The following RIMBP2 variants were observed in gnomAD, a reference collection of about 807,000 sequenced individuals.
RIMBP2 encodes the protein RIMS binding protein 2.
A neutral mutation model predicts 118.6 loss-of-function variants in RIMBP2; 48 were observed. The observed-to-expected ratio is 0.40, with a 90% CI of 0.32 to 0.51. RIMBP2 has a LOEUF of 0.51. Ranked by LOEUF, RIMBP2 falls within the 20% of genes least tolerant of loss-of-function variation. RIMBP2 has a pLI of 0.41. For synonymous variants in RIMBP2, 762 were observed against 742.9 expected (o/e 1.03, Z -0.42); for missense variants, 1,551 against 1,768.3 (o/e 0.88, Z 2.20).
At chr12:130,565,649 C>T (rs984635622) in intron 2 of RIMBP2, among the ~76,000 whole-genome samples, 1 of 152,138 alleles carries the variant, frequency 6.6e-6, no homozygotes, top group Admixed American at 6.5e-5. Context: ...AGTATCCCAA[C>T]TACAAAGCCC....
At chr12:130,696,303 A>G (rs2065574386) in intron 1 of RIMBP2, among the ~76,000 whole-genome samples, 1 of 152,214 alleles carries the variant, frequency 6.6e-6, no homozygotes, top group African/African-American at 2.4e-5. Flanking sequence ...GAGGCCGCTG[A>G]TGGGAGTCTG....
intron 1 of RIMBP2, among the ~76,000 whole-genome samples, chr12:130,635,256 T>TCTGTCCCC (rs2062282770): frequency 6.6e-6 from 1 of 152,196 alleles, no homozygotes; most frequent in Non-Finnish European, 1.5e-5. Context: ...CGCCTGGACC[T>TCTGTCCCC]ACCTCTGTCC....
At chr12:130,527,174 A>G (rs1246346559) in intron 2 of RIMBP2, among the ~76,000 whole-genome samples, 3 of 152,206 alleles carry the variant, frequency 2.0e-5, no homozygotes, top group African/African-American at 7.2e-5. Flanking sequence ...TTTGGGGAAA[A>G]TTATTAAGCC....
chr12:130,519,536 G>T (rs1392323663), intron 2 of RIMBP2, among the ~76,000 whole-genome samples: 1 of 152,216 alleles, frequency 6.6e-6, no homozygotes, highest in Admixed American at 6.5e-5. Context: ...AAGTAAAGCA[G>T]ATCATAATGT....
chr12:130,654,823 A>G (rs7968755), intron 1 of RIMBP2, among the ~76,000 whole-genome samples: 75,315 of 152,112 alleles, frequency 0.5, 18,935 homozygotes, highest in African/African-American at 0.57. Flanking sequence ...GCTTCCAATC[A>G]TGGTGGAAGA....
intron 4 of RIMBP2, among the ~76,000 whole-genome samples, chr12:130,504,331 T>C (rs1008461226): frequency 6.6e-6 from 1 of 152,120 alleles, no homozygotes; most frequent in Non-Finnish European, 1.5e-5. Context: ...CTGCACCCCC[T>C]GACTCCTCCC....
In RIMBP2 at chr12:130,424,594, C is replaced by T. The variant is rs909885340; in HGVS notation, c.2677G>A (p.Ala893Thr). The change falls in exon 16 of 23, where the codon GCC (alanine) becomes ACC (threonine). Residue 893 changes from alanine to threonine, a missense_variant. By Grantham distance (58) the Ala-to-Thr change is moderately conservative (BLOSUM62 0). Around this residue, in one of 5 missense-constraint regions of RIMBP2, gnomAD observed 1,038 missense variants for 1,125.1 expected, o/e 0.92. Transcript: ENST00000690449. This position sits in a 1 kb window ranked among gnomAD's most constrained non-coding sequence, Gnocchi z 9.8. ...AGGAAGTCCTCCACGTGGGGGACGG[C>T]CCCCGAGCCCCTGTGCTTCACCGGG... ...WFPVKHRGSG[A>T]VPHVEDFLLE... 3 of 1,231,812 alleles carry T rather than the reference C, an allele frequency of 2.4e-6. No homozygotes were observed. Among genetic ancestry groups the T allele is most frequent in the Admixed American group, 4.2e-5 (1 of 23,706 alleles). 76.3% of individuals were successfully genotyped at this position (1,231,812 alleles called of 1,614,324 possible).
rs758762656 is a variant in RIMBP2, at chr12:130,422,416, G to A, written c.3238+37C>T. On this transcript the variant is annotated intron_variant, in intron 17 of 22. Transcript: ENST00000690449. This position sits in a 1 kb window ranked among gnomAD's most constrained non-coding sequence, Gnocchi z 5.2. The stretch of plus-strand genomic sequence containing the variant: ...TGGAGTAAGCAGCCACATGCTCCGC[G>A]GCTGAAAGACACAACAGCGATGATG... 14 of 1,452,784 alleles carry A rather than the reference G, an allele frequency of 9.6e-6. No individual in the cohort carries two copies. Among genetic ancestry groups the A allele is most frequent in the Admixed American group, 3.5e-5 (2 of 56,586 alleles). 90.0% of individuals were successfully genotyped at this position (1,452,784 alleles called of 1,614,324 possible).
At chr12:130,569,257 G>C (rs2057453710) in intron 2 of RIMBP2, among the ~76,000 whole-genome samples, 1 of 152,192 alleles carries the variant, frequency 6.6e-6, no homozygotes, top group African/African-American at 2.4e-5. Flanking sequence ...TGAACGGCAG[G>C]CATCGGACTC....
chr12:130,428,165 C>A lies in RIMBP2; in HGVS notation c.2412+14G>T. On this transcript the variant is annotated intron_variant, in intron 15 of 22. Transcript: ENST00000690449. The stretch of plus-strand genomic sequence containing the variant: ...GGGGACGGAGTGCAGGGTCCCCCTT[C>A]CCCAGCCACTCACCTTGAGGGCATT... 6.3e-7 allele frequency: 1 copy of A among 1,580,918 alleles called. No individual in the cohort carries two copies. The highest frequency in any genetic ancestry group is 1.2e-5 in the South Asian group (1 of 83,918).
At chr12:130,444,586 A>G (rs2078379525) in intron 10 of RIMBP2, among the ~76,000 whole-genome samples, 1 of 152,182 alleles carries the variant, frequency 6.6e-6, no homozygotes, top group African/African-American at 2.4e-5. Flanking sequence ...GTTTATTCTC[A>G]AGCTAAAAAG....
intron 17 of RIMBP2, among the ~76,000 whole-genome samples, chr12:130,415,040 C>T (rs11060873): frequency 6.6e-6 from 1 of 152,164 alleles, no homozygotes; most frequent in East Asian, 1.9e-4. Context: ...GGACTCCACC[C>T]TAACTCATTC....
rs1269374363 is a variant in RIMBP2 at position 130,451,243 on chromosome 12, G to GGGCTTGGCGGACAGAGGCTCC, written c.435_455dup (p.Glu146_Pro152dup). ...CGCTACCGGATCTCGACAGGAAGGT[G>GGGCTTGGCGGACAGAGGCTCC]GGCTTGGCGGACAGAGGCTCCGGCC... On this transcript the variant is annotated inframe_insertion, in exon 8 of 23. Coordinates refer to ENST00000690449, the MANE Select transcript of RIMBP2 (RefSeq NM_001393629.1). The GGGCTTGGCGGACAGAGGCTCC allele has an allele frequency of 1.9e-6, 3 of 1,614,078 alleles. No homozygotes were observed. The highest frequency in any genetic ancestry group is 2.5e-6 in the Non-Finnish European group (3 of 1,180,030).
intron 2 of RIMBP2, among the ~76,000 whole-genome samples, chr12:130,626,582 G>A (rs376044861): frequency 8.8e-4 from 123 of 139,120 alleles, no homozygotes; most frequent in African/African-American, 3.2e-3. Flanking sequence ...TCTCCATCAC[G>A]ACTACCGCCG....
intron 4 of RIMBP2, among the ~76,000 whole-genome samples, chr12:130,481,549 C>T (rs889953324): frequency 1.4e-4 from 21 of 152,180 alleles, no homozygotes; most frequent in Non-Finnish European, 2.2e-4. Context: ...TTACCCTGCA[C>T]CCCCACAGAC....
At chr12:130,527,579 A>G (rs550791366) in intron 2 of RIMBP2, among the ~76,000 whole-genome samples, 3 of 152,192 alleles carry the variant, frequency 2.0e-5, no homozygotes, top group Non-Finnish European at 2.9e-5. Flanking sequence ...AGTTTATGAC[A>G]TTTACATTCA....
intron 2 of RIMBP2, among the ~76,000 whole-genome samples, chr12:130,600,921 T>G (rs1479422338): frequency 6.6e-6 from 1 of 152,194 alleles, no homozygotes; most frequent in Non-Finnish European, 1.5e-5. Flanking sequence ...CTGCTGTTGC[T>G]AGACCCTGTA....
chr12:130,594,030 A>T (rs1351809301), intron 2 of RIMBP2, among the ~76,000 whole-genome samples: 1 of 152,238 alleles, frequency 6.6e-6, no homozygotes, highest in African/African-American at 2.4e-5. Context: ...CTTGATCCAT[A>T]AAACATTCAA....
chr12:130,694,051 C>A (rs1224198847), intron 1 of RIMBP2, among the ~76,000 whole-genome samples: 1 of 152,216 alleles, frequency 6.6e-6, no homozygotes, highest in African/African-American at 2.4e-5. Flanking sequence ...AATATAAACC[C>A]TTCTCTTGTT....
Sources: allele counts gnomAD v4.1 joint callset (sites outside exome capture counted in the v4.1 genomes callset), GRCh38; gene constraint gnomAD v4.1.1; regional missense constraint gnomAD v4.1.1; non-coding constraint Gnocchi (gnomAD v3.1); transcripts MANE v1.5; gene names NCBI Gene and HGNC (gene_info 2026-07-23, HGNC 2026-07-21).